The following POC1B variants were observed in gnomAD, a reference collection of about 807,000 sequenced individuals.
POC1B encodes the protein POC1 centriolar protein homolog B.
POC1B carries 44 observed loss-of-function variants against 60.6 expected under a neutral mutation model. The observed-to-expected ratio is 0.73, with a 90% confidence interval of 0.57 to 0.93. POC1B has a LOEUF of 0.93. Among genes scored for constraint, POC1B ranks in the 40% least tolerant of loss-of-function variants. POC1B has a pLI of 0.00. For missense variants in POC1B, 555 were observed against 572.3 expected, an observed-to-expected ratio of 0.97 and a Z score of 0.31; for synonymous variants, 180 against 198.9, an observed-to-expected ratio of 0.90 and a Z score of 0.80.
chr12:89,482,417 T>A (rs949458905), intron 4 of POC1B, among the ~76,000 whole-genome samples: 1 of 152,062 alleles, frequency 6.6e-6, no homozygotes. Context: ...AAGAAAAATA[T>A]ATGAAGAAAG....
At chr12:89,517,750 C>A (rs1028635503) in intron 2 of POC1B, among the ~76,000 whole-genome samples, 1 of 152,208 alleles carries the variant, frequency 6.6e-6, no homozygotes, top group Non-Finnish European at 1.5e-5. Flanking sequence ...TTATTTGTCT[C>A]CACCACTGGA....
At chr12:89,523,283 T>C (rs2135779724) in intron 2 of POC1B, 1 of 1,614,060 alleles carries the variant, frequency 6.2e-7, no homozygotes, top group African/African-American at 1.3e-5. Context: ...CAGTCAAAGC[T>C]CTTGCATCTC....
chr12:89,417,615 A>G (rs1417050634), downstream of POC1B, among the ~76,000 whole-genome samples: 3 of 152,264 alleles, frequency 2.0e-5, no homozygotes, highest in East Asian at 1.9e-4. Flanking sequence ...AACAACTTGT[A>G]TAAGTCCAAG....
At chr12:89,469,404 C>T (rs986332415) in intron 7 of POC1B, among the ~76,000 whole-genome samples, 7 of 152,106 alleles carry the variant, frequency 4.6e-5, no homozygotes, top group African/African-American at 9.7e-5. Context: ...ACATAAGAAT[C>T]GAAATATCAC....
intron 11 of POC1B, among the ~76,000 whole-genome samples, chr12:89,423,232 G>A (rs1184383691): frequency 1.3e-5 from 2 of 152,102 alleles, no homozygotes; most frequent in Admixed American, 6.5e-5. Flanking sequence ...TTGGGAGGCC[G>A]AGCTGGGCGA....
chr12:89,481,342 C>T (rs1868361600), intron 4 of POC1B, among the ~76,000 whole-genome samples: 1 of 152,220 alleles, frequency 6.6e-6, no homozygotes, highest in South Asian at 2.1e-4. Context: ...AACCATACAA[C>T]TGCCAAATAT....
intron 2 of POC1B, among the ~76,000 whole-genome samples, chr12:89,498,241 TG>T (rs1406999355): frequency 2.0e-5 from 3 of 152,200 alleles, no homozygotes; most frequent in Non-Finnish European, 2.9e-5. Flanking sequence ...AAGAATCGTG[TG>T]TGTCAGACAA....
intron 2 of POC1B, chr12:89,523,695 C>T: frequency 1.3e-6 from 2 of 1,543,564 alleles, no homozygotes. Flanking sequence ...CAGAATGCCA[C>T]TGAAATGTTA....
intron 4 of POC1B, chr12:89,485,210 A>G (rs1039159062): frequency 4.6e-5 from 7 of 152,188 alleles, no homozygotes; most frequent in Admixed American, 1.3e-4. Context: ...CATCTTTGAG[A>G]GTCCTGGATT....
At chr12:89,412,279 T>A in the POC1B span, among the ~76,000 whole-genome samples, 1 of 152,188 alleles carries the variant, frequency 6.6e-6, no homozygotes, top group Non-Finnish European at 1.5e-5. Context: ...TAAACAGTAG[T>A]CGTTTCTTAA....
intron 2 of POC1B, among the ~76,000 whole-genome samples, chr12:89,513,882 C>G (rs957379205): frequency 5.3e-5 from 8 of 152,146 alleles, no homozygotes; most frequent in East Asian, 1.9e-4. Context: ...GATTGGGGAC[C>G]ACTACTAGGC....
chr12:89,504,668 T>C (rs1158160226), intron 2 of POC1B, among the ~76,000 whole-genome samples: 1 of 151,904 alleles, frequency 6.6e-6, no homozygotes, highest in Non-Finnish European at 1.5e-5. Flanking sequence ...TGATAATTTG[T>C]ACTGTGCAAA....
the POC1B span, among the ~76,000 whole-genome samples, chr12:89,412,410 G>A: frequency 3.1e-4 from 46 of 148,374 alleles, no homozygotes; most frequent in Admixed American, 3.1e-3. Flanking sequence ...CAGGCGCAGT[G>A]GCTCACACCT....
At chr12:89,455,898 C>T (rs529114422) in intron 10 of POC1B, among the ~76,000 whole-genome samples, 1 of 152,168 alleles carries the variant, frequency 6.6e-6, no homozygotes, top group African/African-American at 2.4e-5. Context: ...ATAAGACAAA[C>T]AATAAAACTA....
rs1046367919 is a variant in POC1B at position 89,525,872 on chromosome 12, C to G, written c.15+9G>C. On this transcript the variant is annotated intron_variant, in intron 1 of 11. Coordinates refer to ENST00000313546, the MANE Select transcript of POC1B (RefSeq NM_172240.3). ...GGAGGGACCCCCCCCACCTCCAACC[C>G]GTCCTTACCGTGGCTGAGGCCATCG... The G allele has an allele frequency of 5.5e-6, 8 of 1,445,446 alleles. No homozygotes were observed. Among genetic ancestry groups the G allele is most frequent in the Non-Finnish European group, 6.4e-6 (7 of 1,093,534 alleles). 89.5% of individuals were successfully genotyped at this position (1,445,446 alleles called of 1,614,324 possible).
intron 9 of POC1B, 165 bp from the exon 10 acceptor site, chr12:89,459,883 C>A: frequency 2.1e-6 from 1 of 472,218 alleles, no homozygotes. Context: ...GTTAGCCTAC[C>A]AATTCTATCA....
intron 10 of POC1B, among the ~76,000 whole-genome samples, chr12:89,432,622 A>G (rs192831267): frequency 5.3e-5 from 8 of 152,254 alleles, no homozygotes; most frequent in African/African-American, 1.9e-4. Context: ...ATGCTAGGTG[A>G]CAAGGGTTAG....
At chr12:89,428,921 T>C (rs1880898651) in intron 10 of POC1B, 2 of 152,126 alleles carry the variant, frequency 1.3e-5, no homozygotes, top group South Asian at 2.1e-4. Flanking sequence ...GACAGTTTTT[T>C]TGAAAAAATA....
At chr12:89,443,280 C>A (rs1361670094) in intron 10 of POC1B, among the ~76,000 whole-genome samples, 1 of 152,184 alleles carries the variant, frequency 6.6e-6, no homozygotes, top group Non-Finnish European at 1.5e-5. Flanking sequence ...AACTCTCCAC[C>A]CCAAATCAAC....
Sources: allele counts gnomAD v4.1 joint callset (sites outside exome capture counted in the v4.1 genomes callset), GRCh38; gene constraint gnomAD v4.1.1; transcripts MANE v1.5; gene names NCBI Gene and HGNC (gene_info 2026-07-23, HGNC 2026-07-21).